CUX1: variants seen among roughly 807,000 people sequenced by gnomAD.
CUX1 encodes protein CASP.
Under a neutral mutation model 158.8 loss-of-function variants are expected in CUX1, and 31 were observed. The ratio of observed to expected loss-of-function variants is 0.20; its 90% confidence interval spans 0.15 to 0.26. The LOEUF is 0.26. Ranked by LOEUF, CUX1 falls within the 10% of genes least tolerant of loss-of-function variation. The probability of loss-of-function intolerance (pLI) is 1.00; values close to 1 mark genes in which losing one functional copy is unlikely to be tolerated. For missense variants in CUX1, 1,589 were observed against 2,014.6 expected (o/e 0.79, Z 4.04); for synonymous variants, 879 against 862.1 (o/e 1.02, Z -0.34).
chr7:102,025,089 G>C (rs4727515), intron 2 of CUX1, among the ~76,000 whole-genome samples: 126,780 of 152,050 alleles, frequency 0.83, 53,094 homozygotes, highest in East Asian at 0.99. Flanking sequence ...CCTCTGCGTC[G>C]GTCCTCAGAT....
At chr7:101,951,510 C>CT (rs869310008) in intron 2 of CUX1, among the ~76,000 whole-genome samples, 307 of 145,572 alleles carry the variant, frequency 2.1e-3, no homozygotes, top group Non-Finnish European at 2.2e-3. Flanking sequence ...AGTCTTTTTC[C>CT]TTTTTTTTTT....
chr7:102,028,291 G>A, intron 3 of CUX1, 146 bp downstream of exon 3: 1 of 766,282 alleles, frequency 1.3e-6, no homozygotes, highest in Non-Finnish European at 2.1e-6. Context: ...TGCAGATTTT[G>A]CGCTCTGTGA....
Position 101,821,671 on chromosome 7 carries a change from C to CTTTTTTTTTTTTTTTTTTTTTTTTTTT in CUX1, c.30+4028_30+4029insTTTTTTTTTTTTTTTTTTTTTTTTTTT, listed in dbSNP as rs58793343. On this transcript the variant is annotated intron_variant, in intron 1 of 23. Coordinates refer to ENST00000292535, the MANE Select transcript of CUX1 (RefSeq NM_181552.4). ...CTTTTCTTTTCTTTTTTTCTTTTTT[C>CTTTTTTTTTTTTTTTTTTTTTTTTTTT]TTTTTTTTTTTTTTTTTTTTTTTTT... Among the ~76,000 whole-genome samples the CTTTTTTTTTTTTTTTTTTTTTTTTTTT allele has an allele frequency of 7.2e-4, 37 of 51,314 alleles. 4 individuals are homozygous for CTTTTTTTTTTTTTTTTTTTTTTTTTTT. Among genetic ancestry groups the CTTTTTTTTTTTTTTTTTTTTTTTTTTT allele is most frequent in the African/African-American group, 1.1e-3 (13 of 12,348 alleles). 33.7% of individuals were successfully genotyped at this position (51,314 alleles called of 152,430 possible). A position where few individuals can be genotyped will look rare whatever the true frequency, so the allele number is the denominator to read the frequency against.
intron 2 of CUX1, among the ~76,000 whole-genome samples, chr7:101,983,260 A>G (rs1374947547): frequency 6.6e-6 from 1 of 152,222 alleles, no homozygotes; most frequent in Non-Finnish European, 1.5e-5. Flanking sequence ...CCATAAAATA[A>G]TTATTCTTTG....
chr7:102,247,718 G>A (rs1800969365), intron 23 of CUX1, among the ~76,000 whole-genome samples: 1 of 152,188 alleles, frequency 6.6e-6, no homozygotes, highest in African/African-American at 2.4e-5. Context: ...CTACTCAGGA[G>A]GCTCAGATGG....
chr7:102,010,739 C>T (rs1320871798), intron 2 of CUX1, among the ~76,000 whole-genome samples: 5 of 152,200 alleles, frequency 3.3e-5, no homozygotes, highest in Non-Finnish European at 4.4e-5. Flanking sequence ...GTTCTGCCGG[C>T]GGGCGTGAGG....
chr7:101,826,648 G>A (rs1793332704), intron 1 of CUX1, among the ~76,000 whole-genome samples: 1 of 152,230 alleles, frequency 6.6e-6, no homozygotes, highest in Admixed American at 6.5e-5. Flanking sequence ...GTGTGTCTGA[G>A]CCTCTGGGAA....
intron 1 of CUX1, among the ~76,000 whole-genome samples, chr7:101,856,970 C>A (rs934573928): frequency 2.6e-5 from 4 of 152,358 alleles, no homozygotes; most frequent in Non-Finnish European, 4.4e-5. Flanking sequence ...GTGCCTCCTC[C>A]TGGGCGCACC....
chr7:101,987,916 A>C (rs1361056129), intron 2 of CUX1, among the ~76,000 whole-genome samples: 1 of 152,238 alleles, frequency 6.6e-6, no homozygotes, highest in Non-Finnish European at 1.5e-5. Context: ...TGTTGGTGTA[A>C]GAAGCGTTTT....
chr7:101,843,589 T>C (rs1288910342), intron 1 of CUX1, among the ~76,000 whole-genome samples: 1 of 152,166 alleles, frequency 6.6e-6, no homozygotes. Flanking sequence ...TTTTTTCTTT[T>C]AGAATATAAT....
At chr7:101,975,038 A>T (rs1015360353) in intron 2 of CUX1, among the ~76,000 whole-genome samples, 2 of 152,040 alleles carry the variant, frequency 1.3e-5, no homozygotes, top group Non-Finnish European at 2.9e-5. Flanking sequence ...AACTGAGGTC[A>T]GGGGTTCGAG....
intron 1 of CUX1, among the ~76,000 whole-genome samples, chr7:101,820,242 C>T (rs1366154940): frequency 2.0e-5 from 3 of 152,146 alleles, no homozygotes; most frequent in Admixed American, 6.5e-5. Flanking sequence ...GCCCCAGGAA[C>T]GTCTGTTTTT....
chr7:102,082,749 G>T (rs1220735831), intron 4 of CUX1, among the ~76,000 whole-genome samples: 1 of 147,266 alleles, frequency 6.8e-6, no homozygotes. Context: ...ACTCAGCGCG[G>T]TGTTTTGGGA....
Position 102,257,453 on chromosome 7 carries a change from G to C in CUX1, c.*8411G>C. On this transcript the variant is annotated 3_prime_UTR_variant, in exon 24 of 24. Coordinates refer to ENST00000292535, the MANE Select transcript of CUX1 (RefSeq NM_181552.4). ...AAAATCCCGTGTATTCTGGAGATGT[G>C]AGAATTCACCCAAAATTCTTAAAAC... The C allele has an allele frequency of 1.0e-6, 1 of 985,274 alleles. No homozygotes were observed. The highest frequency in any genetic ancestry group is 1.2e-6 in the Non-Finnish European group (1 of 829,914). The allele number at this position is 985,274 out of a possible 1,614,324, so 61.0% of individuals were successfully genotyped here. A position where few individuals can be genotyped will look rare whatever the true frequency, so the allele number is the denominator to read the frequency against.
intron 1 of CUX1, among the ~76,000 whole-genome samples, chr7:101,894,975 A>C (rs1801308903): frequency 6.6e-6 from 1 of 152,030 alleles, no homozygotes; most frequent in Non-Finnish European, 1.5e-5. Flanking sequence ...AAGTCTGAGT[A>C]CTGGTCGGCT....
intron 2 of CUX1, among the ~76,000 whole-genome samples, chr7:102,023,840 G>A (rs1819677682): frequency 6.6e-6 from 1 of 152,164 alleles, no homozygotes; most frequent in African/African-American, 2.4e-5. Context: ...CTTTAAATAT[G>A]TGTGCGTGCG....
In CUX1 at chr7:102,035,736, T is replaced by A. The variant is rs1372720030; in HGVS notation, c.189+7591T>A. ...TCTAGAGAAAGATGTAACATTTATA[T>A]TGAAGGATATTAAAGGAGAGTTAAA... On this transcript the variant is annotated intron_variant, in intron 3 of 23. Transcript: ENST00000292535. Among the ~76,000 whole-genome samples, 3 of 151,040 alleles carry A rather than the reference T, an allele frequency of 2.0e-5. No individual in the cohort carries two copies. In the East Asian group the frequency reaches 5.8e-4, roughly 29 times the overall value.
At position 102,196,750 on chromosome 7, in the gene CUX1, G is replaced by A; in HGVS notation, c.1339G>A (p.Gly447Ser). 3 of 1,613,944 alleles carry A rather than the reference G, an allele frequency of 1.9e-6. No homozygotes were observed. Among genetic ancestry groups the A allele is most frequent in the Non-Finnish European group, 2.5e-6 (3 of 1,179,992 alleles). Residue 447 changes from glycine to serine, a missense_variant, in exon 15 of 24, where the codon GGT (glycine) becomes AGT (serine). Physicochemically the swap from Gly to Ser is moderately conservative, Grantham distance 56 (BLOSUM62 0). Coordinates refer to ENST00000292535, the MANE Select transcript of CUX1 (RefSeq NM_181552.4). ...NPGEQASNTN[G>S]THQFSPAGLS... is the part of the protein sequence containing the mutation. ...GGGGGAGCAGGCTTCCAATACTAAT[G>A]GTACACACCAGTTCTCACCAGCGGG... is the stretch of plus-strand genomic sequence containing the variant.
At position 102,201,025 on chromosome 7, in the gene CUX1, TAAAAAAAAAAAAAAAAA is replaced by T. The variant is rs78359248; in HGVS notation, c.2063-322_2063-306del. On this transcript the variant is annotated intron_variant, in intron 17 of 23. Coordinates refer to ENST00000292535, the MANE Select transcript of CUX1 (RefSeq NM_181552.4). This position sits in a 1 kb window ranked among gnomAD's most constrained non-coding sequence, Gnocchi z 5.0. ...CTGGACAACAGCGAGATCCTGTCGC[TAAAAAAAAAAAAAAAAA>T]AAAAAAAAAAAATTCTCGGGGAAAG... Among the ~76,000 whole-genome samples the T allele has an allele frequency of 4.7e-5, 2 of 42,140 alleles. No homozygotes were observed. The highest frequency in any genetic ancestry group is 7.1e-4 in the Admixed American group (2 of 2,834). The allele number at this position is 42,140 out of a possible 152,430, so 27.6% of individuals were successfully genotyped here.
Sources: gnomAD v4.1 joint callset for allele counts (sites outside exome capture counted in the v4.1 genomes callset) on GRCh38, gnomAD v4.1.1 for gene constraint, Gnocchi (gnomAD v3.1) non-coding constraint, MANE v1.5 for transcripts, NCBI Gene and HGNC (gene_info 2026-07-23, HGNC 2026-07-21) for gene names.